The following NDUFA6 variants were observed in gnomAD, a reference collection of about 807,000 sequenced individuals.
The protein encoded by NDUFA6 is NADH:ubiquinone oxidoreductase subunit A6, also known as NADH dehydrogenase [ubiquinone] 1 alpha subcomplex subunit 6.
A neutral mutation model predicts 12.5 loss-of-function variants in NDUFA6; 10 were observed. The observed-to-expected ratio is 0.80, with a 90% CI of 0.49 to 1.35. The LOEUF (loss-of-function observed/expected upper bound fraction) is 1.35, where lower values mean the gene tolerates loss of function less well. Ranked by LOEUF, NDUFA6 falls within the 40% of genes most tolerant of loss-of-function variation. The pLI is 0.00. For synonymous variants in NDUFA6, 66 were observed against 63.0 expected, an observed-to-expected ratio of 1.05 and a Z score of -0.23; for missense variants, 177 against 173.5, an observed-to-expected ratio of 1.02 and a Z score of -0.11.
At chr22:42,089,612 TAAC>T (rs2146876772) in intron 1 of NDUFA6, 1 of 152,036 alleles carries the variant, frequency 6.6e-6, no homozygotes, top group African/African-American at 2.4e-5. Context: ...ATAACAAAAA[TAAC>T]AACAAAAACA....
chr22:42,089,976 C>A (rs1054407864), intron 1 of NDUFA6: 1 of 163,202 alleles, frequency 6.1e-6, no homozygotes, highest in African/African-American at 2.4e-5. Context: ...GTCAGGAGAT[C>A]GAGACCATTC....
At position 42,087,139 on chromosome 22, in the gene NDUFA6, C is replaced by A. The variant is rs1365327518; in HGVS notation, c.176G>T (p.Gly59Val). The A allele has an allele frequency of 1.8e-5, 29 of 1,613,994 alleles. No individual in the cohort carries two copies. The highest frequency in any genetic ancestry group is 4.0e-5 in the African/African-American group (3 of 74,920). Residue 59 changes from glycine (G) to valine (V), a missense_variant, in exon 2 of 3, where the codon GGA becomes GTA. Gly to Val is a moderately radical substitution (Grantham distance 109). Around this residue, in one of 3 missense-constraint regions of NDUFA6, gnomAD observed 111 missense variants for 87.2 expected, o/e 1.27. Transcript: ENST00000498737. ...AAACATTTCTCGGACTTTATCCCGT[C>A]CCATTTTCACAGTGATGTCCAGCTG... is the stretch of plus-strand genomic sequence containing the variant. ...QFQLDITVKMGRDKVREMFMK... is the reference protein window; with the variant it reads ...QFQLDITVKMVRDKVREMFMK...
rs771491686 is a variant in NDUFA6 at position 42,090,661 on chromosome 22, G to A, written c.84C>T (p.Ala28=). The change falls in exon 1 of 3, where the codon GCC becomes GCT. Residue 28 remains alanine (A), a synonymous_variant. Coordinates refer to ENST00000498737, the MANE Select transcript of NDUFA6 (RefSeq NM_002490.6). ...KPIFSRDMNE[A]KRRVRELYRA... ...GGTAGAGCTCGCGCACCCTCCGCTT[G>A]GCCTCGTTCATGTCCCGACTGAAAA... is the stretch of plus-strand genomic sequence containing the variant. 3.7e-6 allele frequency: 6 copies of A among 1,614,056 alleles called. No individual in the cohort carries two copies. Among genetic ancestry groups the A allele is most frequent in the Non-Finnish European group, 5.1e-6 (6 of 1,180,048 alleles).
chr22:42,090,120 G>A (rs1362498013), intron 1 of NDUFA6: 1 of 193,542 alleles, frequency 5.2e-6, no homozygotes, highest in Non-Finnish European at 1.1e-5. Flanking sequence ...CCGGGAGGCG[G>A]AGCTTGCAGT....
chr22:42,090,489 C>T, intron 1 of NDUFA6, 117 bp downstream of exon 1: 1 of 1,269,704 alleles, frequency 7.9e-7, no homozygotes, highest in Non-Finnish European at 1.1e-6. Flanking sequence ...CTGAAGCACC[C>T]GCAGTCGCCT....
intron 1 of NDUFA6, chr22:42,089,952 G>A (rs1445303805): frequency 1.3e-5 from 2 of 159,744 alleles, no homozygotes; most frequent in Non-Finnish European, 2.8e-5. Flanking sequence ...AGGCCGAGAC[G>A]GGCGGATCAC....
rs1335317545 is a variant in NDUFA6 at position 42,085,644 on chromosome 22, G to A, written c.*539C>T. Reference sequence around the variant, plus strand: ...ATTGAACAGCTGTGCACCTAAGCAGGGTGCCTGAGTAGGAAGTTAATTTCA... The same window carrying A: ...ATTGAACAGCTGTGCACCTAAGCAGAGTGCCTGAGTAGGAAGTTAATTTCA... On this transcript the variant is annotated 3_prime_UTR_variant, in exon 3 of 3. Coordinates refer to ENST00000498737, the MANE Select transcript of NDUFA6 (RefSeq NM_002490.6). 4.8e-6 allele frequency: 1 copy of A among 206,392 alleles called. No individual in the cohort carries two copies. The highest frequency in any genetic ancestry group is 5.3e-5 in the Admixed American group (1 of 18,820). The allele number at this position is 206,392 out of a possible 1,614,324, so 12.8% of individuals were successfully genotyped here. A position where few individuals can be genotyped will look rare whatever the true frequency, so the allele number is the denominator to read the frequency against.
At chr22:42,086,668 G>A (rs138598210) in intron 2 of NDUFA6, among the ~76,000 whole-genome samples, 126 of 152,274 alleles carry the variant, frequency 8.3e-4, no homozygotes, top group Non-Finnish European at 1.4e-3. Flanking sequence ...TGATGCTAAC[G>A]TGACTGGCCA....
intron 1 of NDUFA6, among the ~76,000 whole-genome samples, chr22:42,090,400 C>A (rs13056622): frequency 1.3e-5 from 2 of 152,262 alleles, no homozygotes; most frequent in Non-Finnish European, 2.9e-5. Context: ...ATAGCACGTA[C>A]GAATGCTAGG....
Position 42,087,050 on chromosome 22 carries a change from G to A in NDUFA6, c.255+10C>T, listed in dbSNP as rs774430555. 2.5e-6 allele frequency: 4 copies of A among 1,573,846 alleles called. No individual in the cohort carries two copies. Among genetic ancestry groups the A allele is most frequent in the East Asian group, 2.2e-5 (1 of 44,688 alleles). ...CTGATCTTTTAAATTGGTCAGGGAG[G>A]GTCAGTTACCTTAATGACCAGAAGA... On this transcript the variant is annotated intron_variant, in intron 2 of 2. Coordinates refer to ENST00000498737, the MANE Select transcript of NDUFA6 (RefSeq NM_002490.6).
chr22:42,088,146 G>A (rs1438946352), intron 1 of NDUFA6, among the ~76,000 whole-genome samples: 6 of 145,540 alleles, frequency 4.1e-5, no homozygotes, highest in South Asian at 2.2e-4. Context: ...GGTGGCTCAC[G>A]CCTGTAATCC....
chr22:42,090,413 C>G (rs539897079), intron 1 of NDUFA6, among the ~76,000 whole-genome samples, 193 bp downstream of exon 1: 1 of 152,240 alleles, frequency 6.6e-6, no homozygotes, highest in Non-Finnish European at 1.5e-5. Context: ...ATGCTAGGCA[C>G]GGCCGGTCTG....
At chr22:42,090,551 G>C (rs1027756316) in intron 1 of NDUFA6, 55 bp downstream of exon 1, 1 of 1,602,966 alleles carries the variant, frequency 6.2e-7, no homozygotes, top group Non-Finnish European at 8.5e-7. Context: ...CGGCCGGGCC[G>C]GCTACGACCT....
Position 42,087,056 on chromosome 22 carries a change from T to A in NDUFA6, c.255+4A>T. On this transcript the variant is annotated splice_donor_region_variant and intron_variant, in intron 2 of 2. Transcript: ENST00000498737. ...TTTTAAATTGGTCAGGGAGGGTCAG[T>A]TACCTTAATGACCAGAAGATCAACC... 1 of 1,598,926 alleles carries A rather than the reference T, an allele frequency of 6.3e-7. No individual in the cohort carries two copies. Among genetic ancestry groups the A allele is most frequent in the Non-Finnish European group, 8.6e-7 (1 of 1,166,130 alleles).
intron 1 of NDUFA6, among the ~76,000 whole-genome samples, chr22:42,087,788 C>CGA (rs1928355354): frequency 6.8e-6 from 1 of 146,604 alleles, no homozygotes; most frequent in South Asian, 2.1e-4. Flanking sequence ...GGTGACAGAG[C>CGA]GAGACTCCGT....
chr22:42,090,533 A>G (rs1403099814), intron 1 of NDUFA6, 73 bp downstream of exon 1: 59 of 1,576,944 alleles, frequency 3.7e-5, no homozygotes, highest in Non-Finnish European at 5.0e-5. Context: ...TGGGCCCATG[A>G]GAAACCCCGG....
chr22:42,087,598 C>T (rs933258987), intron 1 of NDUFA6, among the ~76,000 whole-genome samples: 13 of 149,322 alleles, frequency 8.7e-5, no homozygotes, highest in South Asian at 2.1e-4. Flanking sequence ...GTCAGGAGAT[C>T]GAGACTACCC....
chr22:42,090,063 C>T (rs1285601573), intron 1 of NDUFA6: 1 of 170,006 alleles, frequency 5.9e-6, no homozygotes, highest in Non-Finnish European at 1.3e-5. Context: ...CGCCTGTAAT[C>T]CCAGCTATTC....
intron 1 of NDUFA6, 151 bp from the exon 2 acceptor site, chr22:42,087,326 T>C: frequency 3.0e-6 from 2 of 677,360 alleles, no homozygotes; most frequent in Non-Finnish European, 5.4e-6. Flanking sequence ...GGATGAGACA[T>C]GTGATTCATG....
Sources: allele counts gnomAD v4.1 joint callset (sites outside exome capture counted in the v4.1 genomes callset), GRCh38; gene constraint gnomAD v4.1.1; regional missense constraint gnomAD v4.1.1; transcripts MANE v1.5; gene names NCBI Gene and HGNC (gene_info 2026-07-23, HGNC 2026-07-21).